The following ASCC3 variants were observed in gnomAD, a reference collection of about 807,000 sequenced individuals.
ASCC3 encodes the protein activating signal cointegrator 1 complex subunit 3.
ASCC3 carries 158 observed loss-of-function variants against 256.3 expected under a neutral mutation model. The ratio of observed to expected loss-of-function variants is 0.62; its 90% CI spans 0.54 to 0.70. ASCC3 has a LOEUF of 0.70. Among genes scored for constraint, ASCC3 ranks in the 30% least tolerant of loss-of-function variants. ASCC3 has a pLI of 0.00. For missense variants in ASCC3, 2,259 were observed against 2,626.0 expected, an observed-to-expected ratio of 0.86 and a Z score of 3.05; for synonymous variants, 948 against 883.4, an observed-to-expected ratio of 1.07 and a Z score of -1.30.
chr6:100,596,691 G>A (rs550540921), intron 34 of ASCC3, among the ~76,000 whole-genome samples: 6 of 152,060 alleles, frequency 3.9e-5, no homozygotes, highest in South Asian at 2.1e-4. Flanking sequence ...TGTCAATCAC[G>A]TTTGAATGAA....
At chr6:100,614,037 T>C (rs984247477) in intron 30 of ASCC3, among the ~76,000 whole-genome samples, 1 of 152,128 alleles carries the variant, frequency 6.6e-6, no homozygotes, top group African/African-American at 2.4e-5. Context: ...GGGTAAGATA[T>C]TAAAGATTTT....
chr6:100,864,350 C>A, intron 2 of ASCC3, 136 bp from the exon 3 acceptor site: 1 of 707,644 alleles, frequency 1.4e-6, no homozygotes, highest in Non-Finnish European at 2.3e-6. Context: ...TATTCACATC[C>A]AAACTGACTA....
intron 16 of ASCC3, among the ~76,000 whole-genome samples, chr6:100,661,405 G>A (rs1179450288): frequency 1.3e-5 from 2 of 149,154 alleles, no homozygotes; most frequent in Non-Finnish European, 3.0e-5. Flanking sequence ...GTATAACAAA[G>A]TTAATCAACT....
chr6:100,798,252 ATAAAGAT>A (rs1769731997), intron 8 of ASCC3, among the ~76,000 whole-genome samples: 1 of 152,184 alleles, frequency 6.6e-6, no homozygotes, highest in Non-Finnish European at 1.5e-5. Flanking sequence ...AGCAAAGGAT[ATAAAGAT>A]AGTAATATTC....
intron 5 of ASCC3, among the ~76,000 whole-genome samples, chr6:100,802,304 C>T (rs1478117223): frequency 6.6e-6 from 1 of 151,968 alleles, no homozygotes; most frequent in Non-Finnish European, 1.5e-5. Flanking sequence ...AGGCTTGTAT[C>T]CTTTTAGAAC....
intron 4 of ASCC3, among the ~76,000 whole-genome samples, chr6:100,828,551 T>G (rs773452219): frequency 0.013 from 1,958 of 145,236 alleles, 20 homozygotes; most frequent in East Asian, 0.045. Flanking sequence ...GTTTGCTCCT[T>G]CTGATGTTCC....
chr6:100,557,348 T>C (rs1769648559), intron 36 of ASCC3, among the ~76,000 whole-genome samples: 1 of 152,166 alleles, frequency 6.6e-6, no homozygotes, highest in African/African-American at 2.4e-5. Flanking sequence ...GTGCTTTTAT[T>C]TGAAAGTATT....
intron 10 of ASCC3, among the ~76,000 whole-genome samples, chr6:100,736,501 C>CA (rs34957642): frequency 0.072 from 10,165 of 142,044 alleles, 772 homozygotes; most frequent in East Asian, 0.31. Context: ...AACTCCATTT[C>CA]AAAAAAAAAA....
intron 8 of ASCC3, among the ~76,000 whole-genome samples, chr6:100,769,642 A>G (rs1781829689): frequency 6.6e-6 from 1 of 151,894 alleles, no homozygotes; most frequent in African/African-American, 2.4e-5. Context: ...GATCAATGAA[A>G]CAAAAAACAG....
At chr6:100,848,926 T>C (rs1359163316) in intron 3 of ASCC3, among the ~76,000 whole-genome samples, 4 of 152,032 alleles carry the variant, frequency 2.6e-5, no homozygotes, top group Non-Finnish European at 5.9e-5. Context: ...GGCAATATGG[T>C]GAGAACCATC....
At chr6:100,574,309 T>C (rs1016017758) in intron 36 of ASCC3, among the ~76,000 whole-genome samples, 2 of 151,878 alleles carry the variant, frequency 1.3e-5, no homozygotes, top group African/African-American at 4.8e-5. Flanking sequence ...TAAATTTAGA[T>C]AAAAGAGCAA....
Position 100,518,119 on chromosome 6 carries a change from G to A in ASCC3, c.5799C>T (p.Asn1933=). The change falls in exon 38 of 42, where the codon AAC becomes AAT. Residue 1933 remains asparagine (N), a synonymous_variant. Transcript: ENST00000369162. ...TCAGGACAGTCACCAGCCAGCCCTG[G>A]TTTGCAGCCACGTCCAGCATTGCCT... ...VCQAMLDVAA[N]QGWLVTVLNI... is the part of the protein sequence containing the mutation. The A allele has an allele frequency of 6.2e-7, 1 of 1,613,544 alleles. No individual in the cohort carries two copies. The highest frequency in any genetic ancestry group is 8.5e-7 in the Non-Finnish European group (1 of 1,179,674).
At chr6:100,577,731 C>T (rs1770946522) in intron 36 of ASCC3, among the ~76,000 whole-genome samples, 1 of 150,952 alleles carries the variant, frequency 6.6e-6, no homozygotes, top group Non-Finnish European at 1.5e-5. Flanking sequence ...AACACACACA[C>T]ACCCACCCAC....
chr6:100,800,588 C>G, intron 5 of ASCC3, 84 bp from the exon 6 acceptor site: 1 of 1,013,968 alleles, frequency 9.9e-7, no homozygotes, highest in Non-Finnish European at 1.5e-6. Flanking sequence ...TTCCTCCACC[C>G]CACAACATAT....
At chr6:100,737,990 T>C (rs867763263) in intron 10 of ASCC3, among the ~76,000 whole-genome samples, 1 of 152,236 alleles carries the variant, frequency 6.6e-6, no homozygotes, top group African/African-American at 2.4e-5. Context: ...TGTTGAGCTG[T>C]CTTTCATGTT....
chr6:100,774,798 C>T (rs1179176494), intron 8 of ASCC3, among the ~76,000 whole-genome samples: 1 of 152,126 alleles, frequency 6.6e-6, no homozygotes, highest in African/African-American at 2.4e-5. Flanking sequence ...GCTACCACAC[C>T]TGGCCCTAGT....
chr6:100,557,255 G>A (rs1416836544), intron 36 of ASCC3, among the ~76,000 whole-genome samples: 1 of 152,058 alleles, frequency 6.6e-6, no homozygotes, highest in Non-Finnish European at 1.5e-5. Flanking sequence ...ACTGATTTGA[G>A]ATAGTTCTTT....
chr6:100,647,970 A>G (rs1217020036), intron 20 of ASCC3, among the ~76,000 whole-genome samples: 2 of 152,120 alleles, frequency 1.3e-5, no homozygotes, highest in African/African-American at 4.8e-5. Context: ...AAACCAAACA[A>G]TGTGTTAACT....
chr6:100,647,546 C>A (rs757885171), intron 20 of ASCC3, 95 bp from the exon 21 acceptor site: 309 of 1,083,492 alleles, frequency 2.9e-4, no homozygotes, highest in Non-Finnish European at 4.1e-4. Context: ...AAAAGAAGTG[C>A]AAGTCAAGCT....
Sources: gnomAD v4.1 joint callset for allele counts (sites outside exome capture counted in the v4.1 genomes callset) on GRCh38, gnomAD v4.1.1 for gene constraint, MANE v1.5 for transcripts, NCBI Gene and HGNC (gene_info 2026-07-23, HGNC 2026-07-21) for gene names.